Variants in FMN1 observed in about 807,000 individuals in gnomAD.
FMN1 encodes the protein formin 1.
In FMN1, 110 loss-of-function variants were observed where a neutral mutation model predicts 132.4. That is an observed-to-expected ratio of 0.83 (90% confidence interval 0.71 to 0.97). The LOEUF (loss-of-function observed/expected upper bound fraction) is 0.97, where lower values mean the gene tolerates loss of function less well. Among genes scored for constraint, FMN1 ranks in the 50% least tolerant of loss-of-function variants. FMN1 has a pLI of 0.00. For missense variants in FMN1, 1,792 were observed against 1,705.3 expected (o/e 1.05, Z -0.90); for synonymous variants, 722 against 651.7 (o/e 1.11, Z -1.64).
At chr15:32,923,422 C>T (rs2060882205) in intron 10 of FMN1, among the ~76,000 whole-genome samples, 1 of 152,156 alleles carries the variant, frequency 6.6e-6, no homozygotes, top group African/African-American at 2.4e-5. Flanking sequence ...AAACTAACCT[C>T]CAGTTATAGC....
chr15:32,831,210 C>G (rs978853648), intron 17 of FMN1, among the ~76,000 whole-genome samples: 1 of 151,666 alleles, frequency 6.6e-6, no homozygotes, highest in Non-Finnish European at 1.5e-5. Context: ...TAAATGTTAG[C>G]TAATATTATT....
chr15:32,892,950 C>T (rs1039610226), intron 15 of FMN1, among the ~76,000 whole-genome samples: 11 of 152,166 alleles, frequency 7.2e-5, no homozygotes, highest in Non-Finnish European at 7.3e-5. Flanking sequence ...TGGTAAACAA[C>T]ATCTGGCATA....
At chr15:33,048,284 GC>G (rs2036784156) in intron 6 of FMN1, among the ~76,000 whole-genome samples, 1 of 152,098 alleles carries the variant, frequency 6.6e-6, no homozygotes, top group Non-Finnish European at 1.5e-5. Flanking sequence ...TGTGGAATTA[GC>G]CATATCCCTT....
chr15:33,017,534 A>C (rs566538722), intron 6 of FMN1, among the ~76,000 whole-genome samples: 28 of 152,346 alleles, frequency 1.8e-4, no homozygotes, highest in African/African-American at 6.0e-4. Flanking sequence ...TATGTTGTTC[A>C]ATAACTTACA....
At chr15:33,095,488 T>C (rs1269786094) in intron 4 of FMN1, among the ~76,000 whole-genome samples, 1 of 152,172 alleles carries the variant, frequency 6.6e-6, no homozygotes, top group Non-Finnish European at 1.5e-5. Flanking sequence ...CTTGGCCTCC[T>C]GTGCTCAGCA....
chr15:33,016,604 T>C (rs2035059941), intron 6 of FMN1, among the ~76,000 whole-genome samples: 1 of 152,210 alleles, frequency 6.6e-6, no homozygotes, highest in South Asian at 2.1e-4. Context: ...TAACTGGGTG[T>C]CTCAGGCTAG....
intron 4 of FMN1, among the ~76,000 whole-genome samples, chr15:33,096,922 T>C (rs906041054): frequency 6.6e-5 from 10 of 152,104 alleles, no homozygotes; most frequent in African/African-American, 2.4e-4. Flanking sequence ...TATTTACACA[T>C]ACTTCAGACT....
intron 4 of FMN1, among the ~76,000 whole-genome samples, chr15:33,119,867 A>T (rs903322155): frequency 1.3e-5 from 2 of 152,212 alleles, no homozygotes; most frequent in East Asian, 3.8e-4. Context: ...CCTTGCATGT[A>T]AACTATGAAA....
intron 2 of FMN1, among the ~76,000 whole-genome samples, chr15:33,181,511 C>T (rs998611821): frequency 1.3e-5 from 2 of 152,166 alleles, no homozygotes; most frequent in South Asian, 2.1e-4. Flanking sequence ...TCTTACTGCA[C>T]GTGGAAGCAC....
chr15:33,176,916 C>T (rs890059761), intron 3 of FMN1, among the ~76,000 whole-genome samples: 3 of 152,174 alleles, frequency 2.0e-5, no homozygotes, highest in African/African-American at 7.2e-5. Flanking sequence ...TGCTTAAGAA[C>T]ATCAAGAGTG....
At chr15:32,873,253 A>G (rs1272544206) in intron 16 of FMN1, among the ~76,000 whole-genome samples, 1 of 152,224 alleles carries the variant, frequency 6.6e-6, no homozygotes, top group African/African-American at 2.4e-5. Context: ...TCATATAAAG[A>G]AGGCTGCATT....
At chr15:32,978,963 G>T (rs1181029956) in intron 7 of FMN1, among the ~76,000 whole-genome samples, 1 of 152,136 alleles carries the variant, frequency 6.6e-6, no homozygotes, top group Non-Finnish European at 1.5e-5. Flanking sequence ...ATAAAAAGGG[G>T]CCAGCTGTTG....
At chr15:32,910,657 G>C in intron 10 of FMN1, 122 bp from the exon 11 acceptor site, 1 of 733,586 alleles carries the variant, frequency 1.4e-6, no homozygotes, top group South Asian at 1.7e-5. Context: ...CACAAGCTGT[G>C]CCTCTCTGCT....
In FMN1 at chr15:32,857,053, T is replaced by C; in HGVS notation, c.3890A>G (p.Gln1297Arg). ...CTCCTCTAGTTTGTCCTTGAAAGGC[T>C]GGAGATACTCCTTTGGGGACTCCTT... ...VCKESPKEYL[Q>R]PFKDKLEEFF... is the part of the protein sequence containing the mutation. The change falls in exon 17 of 21, where the codon CAG becomes CGG. Residue 1297 changes from glutamine to arginine, a missense_variant. Coordinates refer to ENST00000616417, the MANE Select transcript of FMN1 (RefSeq NM_001277313.2). 1 of 1,613,932 alleles carries C rather than the reference T, an allele frequency of 6.2e-7. No individual in the cohort carries two copies. The highest frequency in any genetic ancestry group is 8.5e-7 in the Non-Finnish European group (1 of 1,179,790).
chr15:32,964,147 G>T lies in FMN1; in HGVS notation c.3098C>A (p.Pro1033His). The T allele has an allele frequency of 6.2e-7, 1 of 1,612,654 alleles. No homozygotes were observed. The highest frequency in any genetic ancestry group is 8.5e-7 in the Non-Finnish European group (1 of 1,179,270). Residue 1033 changes from proline (P) to histidine (H), a missense_variant, in exon 9 of 21, where the codon CCT (proline) becomes CAT (histidine). Around this residue, in one of 3 missense-constraint regions of FMN1, gnomAD observed 1,150 missense variants for 1,043.1 expected, o/e 1.10. Coordinates refer to ENST00000616417, the MANE Select transcript of FMN1 (RefSeq NM_001277313.2). The stretch of plus-strand genomic sequence containing the variant: ...TTTCTTCTCATAAGTCTCTGACAGA[G>T]GTTTTTTCTTCTGTTGAGTTGTGTC... ...SKDTTQQKKK[P>H]LSETYEKKNK...
At position 33,005,856 on chromosome 15, in the gene FMN1, G is replaced by T. The variant is rs986291023; in HGVS notation, c.2223+2158C>A. On this transcript the variant is annotated intron_variant, in intron 7 of 20. Transcript: ENST00000616417. ...TTTTTCACATCAGAACAAAGAAAAA[G>T]AAAGAGAGGTCTCCCTTTGTAACAA... Among the ~76,000 whole-genome samples, 5 of 152,216 alleles carry T rather than the reference G, an allele frequency of 3.3e-5. No homozygotes were observed. In the East Asian group the frequency reaches 9.6e-4, roughly 29 times the overall value.
chr15:33,096,235 C>T (rs1256923750), intron 4 of FMN1, among the ~76,000 whole-genome samples: 2 of 152,134 alleles, frequency 1.3e-5, no homozygotes, highest in Admixed American at 6.5e-5. Context: ...TCTTAGTTCC[C>T]ACCTTTGCCT....
chr15:32,775,940 A>G (rs765364269), intron 20 of FMN1, among the ~76,000 whole-genome samples: 2 of 152,174 alleles, frequency 1.3e-5, no homozygotes, highest in Non-Finnish European at 2.9e-5. Flanking sequence ...TCCACTTCCC[A>G]CTCATTGCCA....
At chr15:33,051,460 C>T (rs548946414) in intron 6 of FMN1, among the ~76,000 whole-genome samples, 87 of 151,160 alleles carry the variant, frequency 5.8e-4, no homozygotes, top group African/African-American at 1.2e-3. Context: ...ACCAGGATGT[C>T]GGGCAACCAT....
Sources: gnomAD v4.1 joint callset for allele counts (sites outside exome capture counted in the v4.1 genomes callset) on GRCh38, gnomAD v4.1.1 for gene constraint, gnomAD v4.1.1 regional missense constraint, MANE v1.5 for transcripts, NCBI Gene and HGNC (gene_info 2026-07-23, HGNC 2026-07-21) for gene names.